Variants in CHRND observed in about 807,000 individuals in gnomAD.
CHRND encodes the protein cholinergic receptor nicotinic delta subunit, also known as acetylcholine receptor subunit delta.
Under a neutral mutation model 57.8 loss-of-function variants are expected in CHRND, and 40 were observed. That is an observed-to-expected ratio of 0.69 (90% CI 0.54 to 0.90). The LOEUF (loss-of-function observed/expected upper bound fraction) is 0.90. Among genes scored for constraint, CHRND ranks in the 40% least tolerant of loss-of-function variants. The probability of loss-of-function intolerance (pLI) is 0.00; values close to 1 mark genes in which losing one functional copy is unlikely to be tolerated. For missense variants in CHRND, 634 were observed against 673.9 expected (o/e 0.94, Z 0.66); for synonymous variants, 237 against 270.6 (o/e 0.88, Z 1.22).
rs2106210040 is a variant in CHRND at position 232,530,014 on chromosome 2, G to C, written c.695G>C (p.Ser232Thr). The change falls in exon 7 of 12, where the codon AGC becomes ACC. Residue 232 changes from serine (S) to threonine (T), a missense_variant. Ser to Thr is a moderately conservative substitution (Grantham distance 58). Transcript: ENST00000258385. ...CCCAGAGCCCCTCTGGACAGCCCCA[G>C]CCGCCAGGACATCACCTTCTACCTC... is the stretch of plus-strand genomic sequence containing the variant. Reference protein sequence around the residue: ...VDPRAPLDSPSRQDITFYLII... With the variant: ...VDPRAPLDSPTRQDITFYLII... 2.5e-6 allele frequency: 4 copies of C among 1,614,146 alleles called. No individual in the cohort carries two copies. Among genetic ancestry groups the C allele is most frequent in the Non-Finnish European group, 3.4e-6 (4 of 1,180,028 alleles).
At position 232,534,973 on chromosome 2, in the gene CHRND, C is replaced by G. The variant is rs181854205; in HGVS notation, c.1372-157C>G. Among the ~76,000 whole-genome samples the G allele has an allele frequency of 1.6e-4, 24 of 152,352 alleles. No individual in the cohort carries two copies. The East Asian group carries it at 4.6e-3, about 29-fold the overall frequency. Reference sequence around the variant, plus strand: ...TGCCTGTGGCCAGAGGGGCCTGGGACCTTGCTGGGGACAAGCCAGCATTAT... The same window carrying G: ...TGCCTGTGGCCAGAGGGGCCTGGGAGCTTGCTGGGGACAAGCCAGCATTAT... On this transcript the variant is annotated intron_variant, in intron 11 of 11. Transcript: ENST00000258385.
In CHRND at chr2:232,526,522, T is replaced by TA. The variant is rs1396950020; in HGVS notation, c.53-7_53-6insA. ...CCCATTCAGTCCTTGTCGCTGACCCTCCCCAGGCAGCTGGGGGCTGAACGA... is the reference window on the plus strand; with the variant it reads ...CCCATTCAGTCCTTGTCGCTGACCCTACCCCAGGCAGCTGGGGGCTGAACGA... On this transcript the variant is annotated splice_polypyrimidine_tract_variant and splice_region_variant and intron_variant, in intron 1 of 11. Coordinates refer to ENST00000258385, the MANE Select transcript of CHRND (RefSeq NM_000751.3). 2 of 1,613,468 alleles carry TA rather than the reference T, an allele frequency of 1.2e-6. No individual in the cohort carries two copies. The highest frequency in any genetic ancestry group is 1.7e-6 in the Non-Finnish European group (2 of 1,180,002).
At position 232,528,566 on chromosome 2, in the gene CHRND, A is replaced by G; in HGVS notation, c.419A>G (p.Tyr140Cys). ...CTTGTCTACCACTACGGCTTCGTGT[A>G]CTGGCTGCCACCTGCCATCTTCCGC... ...NVLVYHYGFV[Y>C]WLPPAIFRSS... Residue 140 changes from tyrosine to cysteine, a missense_variant, in exon 5 of 12, where the codon TAC becomes TGC. Transcript: ENST00000258385. 1 of 1,614,052 alleles carries G rather than the reference A, an allele frequency of 6.2e-7. No individual in the cohort carries two copies. The highest frequency in any genetic ancestry group is 1.7e-5 in the Admixed American group (1 of 60,016).
At chr2:232,528,125 G>C in intron 3 of CHRND, 137 bp from the exon 4 acceptor site, 2 of 769,400 alleles carry the variant, frequency 2.6e-6, no homozygotes, top group South Asian at 1.5e-5. Context: ...ACCTGAATCC[G>C]CACTCTGTAC....
Position 232,528,946 on chromosome 2 carries a change from C to A in CHRND, c.594C>A (p.Ile198=). The change falls in exon 6 of 12, where the codon ATC becomes ATA. Residue 198 remains isoleucine (I), a synonymous_variant. Transcript: ENST00000258385. The stretch of plus-strand genomic sequence containing the variant: ...ACCGCACCTACCCCGTGGAGTGGAT[C>A]ATCATTGATCCTGAAGGCTTCACAG... The part of the protein sequence containing the change: ...KENRTYPVEW[I]IIDPEGFTEN... 1 of 1,614,082 alleles carries A rather than the reference C, an allele frequency of 6.2e-7. No individual in the cohort carries two copies. The highest frequency in any genetic ancestry group is 8.5e-7 in the Non-Finnish European group (1 of 1,179,984).
intron 9 of CHRND, 30 bp from the exon 10 acceptor site, chr2:232,533,901 C>A (rs1043368159): frequency 1.2e-6 from 2 of 1,607,680 alleles, no homozygotes; most frequent in Admixed American, 3.3e-5. Context: ...AAAACAACGC[C>A]TTTCTTGTGG....
chr2:232,534,216 G>A lies in CHRND; in HGVS notation c.1253-8G>A, dbSNP rs144545619. On this transcript the variant is annotated splice_region_variant and splice_polypyrimidine_tract_variant and intron_variant, in intron 10 of 11. Coordinates refer to ENST00000258385, the MANE Select transcript of CHRND (RefSeq NM_000751.3). ...GGCCTCACACCCACTCTGGCCCCTC[G>A]TCTGTAGGCCGGCCCCCAGCAAGCT... 1.0e-3 allele frequency: 1,632 copies of A among 1,614,156 alleles called. 13 individuals carry two copies. In the African/African-American group the frequency reaches 0.017, roughly 17 times the overall value.
At chr2:232,533,493 G>A (rs543099690) in intron 9 of CHRND, among the ~76,000 whole-genome samples, 14 of 152,334 alleles carry the variant, frequency 9.2e-5, no homozygotes, top group Middle Eastern at 6.8e-3. Context: ...GGAGATCGGG[G>A]AATCAATGAC....
chr2:232,528,163 A>C (rs1691551233), intron 3 of CHRND, 99 bp from the exon 4 acceptor site: 4 of 1,139,262 alleles, frequency 3.5e-6, no homozygotes, highest in Middle Eastern at 1.9e-4. Flanking sequence ...CTTTTGTCAC[A>C]GCTCTCAGAC....
At chr2:232,526,769 C>A in intron 2 of CHRND, 95 bp downstream of exon 2, 3 of 1,307,142 alleles carry the variant, frequency 2.3e-6, no homozygotes, top group Non-Finnish European at 3.3e-6. Context: ...CCCCACCTGG[C>A]CTATGGCCAC....
At chr2:232,527,636 C>T (rs998166831) in intron 3 of CHRND, among the ~76,000 whole-genome samples, 191 bp downstream of exon 3, 4 of 151,912 alleles carry the variant, frequency 2.6e-5, no homozygotes, top group African/African-American at 4.8e-5. Flanking sequence ...CCCAGCTACT[C>T]GGGAAGCTGA....
chr2:232,526,456 G>A (rs967382414), intron 1 of CHRND, 73 bp from the exon 2 acceptor site: 1 of 1,607,900 alleles, frequency 6.2e-7, no homozygotes, highest in South Asian at 1.1e-5. Flanking sequence ...GGTCCAGCAG[G>A]ACCTCAGGGC....
Position 232,535,569 on chromosome 2 carries a change from G to A in CHRND, c.*257G>A. 3 of 648,180 alleles carry A rather than the reference G, an allele frequency of 4.6e-6. No homozygotes were observed. The highest frequency in any genetic ancestry group is 8.5e-6 in the Non-Finnish European group (3 of 353,194). The allele number at this position is 648,180 out of a possible 1,614,324, so 40.2% of individuals were successfully genotyped here. A position where few individuals can be genotyped will look rare whatever the true frequency, so the allele number is the denominator to read the frequency against. ...GGGGGGAGGCCCGAGGCTGGCTCAG[G>A]GGCCAGGGAGGAGGCCACTCAGGGT... On this transcript the variant is annotated 3_prime_UTR_variant, in exon 12 of 12. Transcript: ENST00000258385.
intron 7 of CHRND, 63 bp downstream of exon 7, chr2:232,530,202 C>T: frequency 2.6e-6 from 4 of 1,539,370 alleles, no homozygotes; most frequent in South Asian, 1.1e-5. Flanking sequence ...CAGCCAGCCC[C>T]AGCCCTGCCC....
At position 232,535,193 on chromosome 2, in the gene CHRND, C is replaced by G. The variant is rs757425535; in HGVS notation, c.1435C>G (p.Pro479Ala). ...CCGCCTCTGCCTGTTTGTGGTGACGCCTGTCATGGTGGTGGGCACAGCCTG... is the reference window on the plus strand; with the variant it reads ...CCGCCTCTGCCTGTTTGTGGTGACGGCTGTCATGGTGGTGGGCACAGCCTG... Reference protein sequence around the residue: ...VDRLCLFVVTPVMVVGTAWIF... With the variant: ...VDRLCLFVVTAVMVVGTAWIF... Residue 479 changes from proline to alanine, a missense_variant, in exon 12 of 12, where the codon CCT becomes GCT. Transcript: ENST00000258385. The G allele has an allele frequency of 2.5e-6, 4 of 1,614,118 alleles. 1 individual carries two copies. In the South Asian group the frequency reaches 4.4e-5, roughly 18 times the overall value.
chr2:232,527,407 G>A lies in CHRND; in HGVS notation c.205G>A (p.Val69Ile), dbSNP rs768465035. 3.1e-6 allele frequency: 5 copies of A among 1,613,052 alleles called. No individual in the cohort carries two copies. Among genetic ancestry groups the A allele is most frequent in the Non-Finnish European group, 1.7e-6 (2 of 1,179,218 alleles). The change falls in exon 3 of 12, where the codon GTT (valine) becomes ATT (isoleucine). Residue 69 changes from valine (V) to isoleucine (I), a missense_variant. By Grantham distance (29) the Val-to-Ile change is conservative (BLOSUM62 3). Transcript: ENST00000258385. ...CCCTACCGTCTAATTACAGAAAGAA[G>A]TTGAGGAGACCCTCACTACCAATGT... ...TLSNLISLKE[V>I]EETLTTNVWI... is the part of the protein sequence containing the mutation.
chr2:232,531,383 G>A lies in CHRND; in HGVS notation c.852G>A (p.Val284=), dbSNP rs1691690367. 1.2e-6 allele frequency: 2 copies of A among 1,613,812 alleles called. No individual in the cohort carries two copies. Among genetic ancestry groups the A allele is most frequent in the South Asian group, 2.2e-5 (2 of 91,032 alleles). ...SGEKTSVAIS[V]LLAQSVFLLL... ...AGAAGACATCAGTGGCCATCTCGGTGCTCCTGGCTCAGTCTGTCTTCCTGC... is the reference window on the plus strand; with the variant it reads ...AGAAGACATCAGTGGCCATCTCGGTACTCCTGGCTCAGTCTGTCTTCCTGC... Residue 284 remains valine, a synonymous_variant, in exon 8 of 12, where the codon GTG becomes GTA. Transcript: ENST00000258385.
chr2:232,528,405 C>T (rs759412532), intron 4 of CHRND, 34 bp downstream of exon 4: 2 of 1,613,488 alleles, frequency 1.2e-6, no homozygotes, highest in South Asian at 2.2e-5. Context: ...TCCCCTCTGT[C>T]ACCCTGCCTC....
chr2:232,530,899 T>G (rs1363015783), intron 7 of CHRND, among the ~76,000 whole-genome samples: 1 of 151,994 alleles, frequency 6.6e-6, no homozygotes, highest in East Asian at 1.9e-4. Context: ...TGGGCTGGGG[T>G]CTCTGAGTGA....
Sources: gnomAD v4.1 joint callset for allele counts (sites outside exome capture counted in the v4.1 genomes callset) on GRCh38, gnomAD v4.1.1 for gene constraint, MANE v1.5 for transcripts, NCBI Gene and HGNC (gene_info 2026-07-23, HGNC 2026-07-21) for gene names.